The following FOXJ3 variants were observed in gnomAD, a reference collection of about 807,000 sequenced individuals.
FOXJ3 encodes forkhead box protein J3.
FOXJ3 carries 22 observed loss-of-function variants against 76.1 expected under a neutral mutation model. The observed-to-expected ratio is 0.29, with a 90% CI of 0.21 to 0.41. The LOEUF is 0.41. FOXJ3 is among the 10% of genes least tolerant of loss of function. The pLI is 1.00. For synonymous variants in FOXJ3, 269 were observed against 261.2 expected (o/e 1.03, Z -0.29); for missense variants, 613 against 762.1 (o/e 0.80, Z 2.30).
intron 4 of FOXJ3, among the ~76,000 whole-genome samples, chr1:42,257,633 G>T (rs565567758): frequency 2.0e-5 from 3 of 151,984 alleles, no homozygotes; most frequent in East Asian, 3.9e-4. Context: ...CGCCTACAGG[G>T]GAGGGTGAGG....
intron 4 of FOXJ3, among the ~76,000 whole-genome samples, chr1:42,228,398 T>C (rs747674773): frequency 3.2e-4 from 48 of 152,128 alleles, no homozygotes; most frequent in Non-Finnish European, 5.4e-4. Context: ...ACATTTTATA[T>C]AGTAAGTGTT....
At chr1:42,291,025 TATAG>T (rs80123722) in intron 2 of FOXJ3, among the ~76,000 whole-genome samples, 10,386 of 134,096 alleles carry the variant, frequency 0.077, 409 homozygotes, top group South Asian at 0.13. Flanking sequence ...AAAAGACCCA[TATAG>T]ATAGATAGAT....
intron 5 of FOXJ3, among the ~76,000 whole-genome samples, chr1:42,218,476 T>A (rs551978057): frequency 2.6e-5 from 4 of 152,336 alleles, no homozygotes; most frequent in Admixed American, 2.0e-4. Flanking sequence ...GTAGATAATG[T>A]GTTGATTTTT....
chr1:42,219,614 T>G (rs1396446916), intron 5 of FOXJ3, among the ~76,000 whole-genome samples: 2 of 152,224 alleles, frequency 1.3e-5, no homozygotes. Context: ...AAACAGAAAC[T>G]TTAGGTCTTT....
At chr1:42,300,177 G>A (rs1027554664) in intron 2 of FOXJ3, among the ~76,000 whole-genome samples, 2 of 152,088 alleles carry the variant, frequency 1.3e-5, no homozygotes, top group African/African-American at 4.8e-5. Context: ...TCCAGCCTGG[G>A]TAATGGAGCA....
intron 2 of FOXJ3, among the ~76,000 whole-genome samples, chr1:42,307,317 C>A (rs950108013): frequency 6.6e-6 from 1 of 152,138 alleles, no homozygotes; most frequent in African/African-American, 2.4e-5. Context: ...AGCTCAGATA[C>A]CATCATCAAT....
Position 42,183,253 on chromosome 1 carries a change from CAA to C in FOXJ3, c.1646-1231_1646-1230del, listed in dbSNP as rs552144268. Among the ~76,000 whole-genome samples, 343 of 137,686 alleles carry C rather than the reference CAA, an allele frequency of 2.5e-3. 2 individuals carry two copies. Among genetic ancestry groups the C allele is most frequent in the African/African-American group, 9.4e-3 (334 of 35,506 alleles). 90.3% of individuals were successfully genotyped at this position (137,686 alleles called of 152,430 possible). On this transcript the variant is annotated intron_variant, in intron 11 of 12. Coordinates refer to ENST00000361346, the MANE Select transcript of FOXJ3 (RefSeq NM_014947.5). ...CCTGGTTAATAGAGTGAGACCCTGTCAAAAGAGAAGAGAGAGGAGAGCGGAGA... is the reference window on the plus strand; with the variant it reads ...CCTGGTTAATAGAGTGAGACCCTGTCAAGAGAAGAGAGAGGAGAGCGGAGA...
At chr1:42,235,141 T>C (rs1392762006) in intron 4 of FOXJ3, among the ~76,000 whole-genome samples, 1 of 152,210 alleles carries the variant, frequency 6.6e-6, no homozygotes, top group African/African-American at 2.4e-5. Context: ...GCCTTGCAGT[T>C]TGATCTCAGA....
At chr1:42,310,347 T>C (rs943079594) in intron 2 of FOXJ3, among the ~76,000 whole-genome samples, 3 of 152,142 alleles carry the variant, frequency 2.0e-5, no homozygotes, top group African/African-American at 4.8e-5. Context: ...GGTTTCACCA[T>C]GTTGGCCAGA....
At chr1:42,332,531 T>C (rs1301619211) in intron 1 of FOXJ3, among the ~76,000 whole-genome samples, 1 of 152,140 alleles carries the variant, frequency 6.6e-6, no homozygotes, top group African/African-American at 2.4e-5. Flanking sequence ...CCTAAAATTC[T>C]CCATAAGCAC....
intron 3 of FOXJ3, among the ~76,000 whole-genome samples, chr1:42,277,114 T>G (rs1359888237): frequency 6.6e-6 from 1 of 150,778 alleles, no homozygotes; most frequent in African/African-American, 2.4e-5. Flanking sequence ...TTTGCAACTC[T>G]TGCAATAATC....
chr1:42,207,659 G>A (rs1055044174), intron 5 of FOXJ3, among the ~76,000 whole-genome samples: 4 of 152,134 alleles, frequency 2.6e-5, no homozygotes, highest in Non-Finnish European at 4.4e-5. Flanking sequence ...CATACCAGAT[G>A]AGCGAGAGAG....
At chr1:42,271,785 A>C (rs1212271037) in intron 3 of FOXJ3, among the ~76,000 whole-genome samples, 1 of 152,004 alleles carries the variant, frequency 6.6e-6, no homozygotes, top group East Asian at 1.9e-4. Flanking sequence ...AGTAGCTGGG[A>C]CCACAGGGAC....
Position 42,331,459 on chromosome 1 carries a change from T to C in FOXJ3, c.-18+3600A>G, listed in dbSNP as rs562632889. 2.6e-5 allele frequency among the ~76,000 whole-genome samples: 4 copies of C among 152,264 alleles called. No individual in the cohort carries two copies. In the South Asian group the frequency reaches 8.3e-4, roughly 32 times the overall value. Reference sequence around the variant, plus strand: ...AAGCAATGGCTATCAACGTAGTATATACATACAGTGGAATATTATTTGGCA... The same window carrying C: ...AAGCAATGGCTATCAACGTAGTATACACATACAGTGGAATATTATTTGGCA... On this transcript the variant is annotated intron_variant, in intron 1 of 12. Coordinates refer to ENST00000361346, the MANE Select transcript of FOXJ3 (RefSeq NM_014947.5).
At chr1:42,319,028 CA>C (rs988220238) in intron 1 of FOXJ3, among the ~76,000 whole-genome samples, 10 of 152,108 alleles carry the variant, frequency 6.6e-5, no homozygotes, top group African/African-American at 2.4e-4. Context: ...CCCAGGAATT[CA>C]AGACCAGTCT....
intron 4 of FOXJ3, among the ~76,000 whole-genome samples, chr1:42,252,599 G>A: frequency 6.7e-6 from 1 of 149,570 alleles, no homozygotes; most frequent in East Asian, 2.0e-4. Flanking sequence ...ATTTTTTGAA[G>A]GGTTTTTTTT....
At chr1:42,305,478 A>G (rs1454521164) in intron 2 of FOXJ3, among the ~76,000 whole-genome samples, 2 of 152,260 alleles carry the variant, frequency 1.3e-5, no homozygotes, top group African/African-American at 4.8e-5. Context: ...TGTTCACAAT[A>G]GCCAAGATTT....
At chr1:42,226,041 C>A (rs1189894619) in intron 5 of FOXJ3, among the ~76,000 whole-genome samples, 2 of 152,178 alleles carry the variant, frequency 1.3e-5, no homozygotes, top group African/African-American at 4.8e-5. Flanking sequence ...TTCTTCAGCT[C>A]TTCAATCTTT....
chr1:42,223,558 A>G (rs1028440102), intron 5 of FOXJ3, among the ~76,000 whole-genome samples: 10 of 152,168 alleles, frequency 6.6e-5, no homozygotes, highest in African/African-American at 2.4e-4. Flanking sequence ...TTTTCTACGC[A>G]AAAACAGCTC....
Sources: gnomAD v4.1 joint callset for allele counts (sites outside exome capture counted in the v4.1 genomes callset) on GRCh38, gnomAD v4.1.1 for gene constraint, MANE v1.5 for transcripts, NCBI Gene and HGNC (gene_info 2026-07-23, HGNC 2026-07-21) for gene names.